RNASEH2B: variants seen among roughly 807,000 people sequenced by gnomAD.
The protein encoded by RNASEH2B is ribonuclease H2 subunit B, also known as Aicardi-Goutieres syndrome 2 protein.
In RNASEH2B, 36 loss-of-function variants were observed where a neutral mutation model predicts 45.0. That is an observed-to-expected ratio of 0.80 (90% CI 0.61 to 1.06). The LOEUF (loss-of-function observed/expected upper bound fraction) is 1.06. Among genes scored for constraint, RNASEH2B ranks in the 50% least tolerant of loss-of-function variants. RNASEH2B has a pLI of 0.00. For missense variants in RNASEH2B, 361 were observed against 360.3 expected (o/e 1.00, Z -0.02); for synonymous variants, 119 against 125.7 (o/e 0.95, Z 0.35).
At position 50,945,525 on chromosome 13, in the gene RNASEH2B, C is replaced by A. The variant is rs1951889997; in HGVS notation, c.609C>A (p.Asp203Glu). The A allele has an allele frequency of 1.2e-6, 2 of 1,607,980 alleles. No individual in the cohort carries two copies. Among genetic ancestry groups the A allele is most frequent in the Admixed American group, 1.7e-5 (1 of 60,004 alleles). Reference protein sequence around the residue: ...AFFSGDQASTDKEEDYIRYAH... With the variant: ...AFFSGDQASTEKEEDYIRYAH... ...TCTCTGGTGACCAAGCTTCCACTGA[C>A]AAGGAAGGTAAGTAAAGCATTTTAT... Residue 203 changes from aspartate to glutamate, a missense_variant, in exon 7 of 11, where the codon GAC becomes GAA. By Grantham distance (45) the Asp-to-Glu change is conservative. Transcript: ENST00000336617.
chr13:50,970,037 T>TC, exon 10 of RNASEH2B: 19 of 1,452,298 alleles, frequency 1.3e-5, no homozygotes, highest in Non-Finnish European at 1.7e-5. Flanking sequence ...TCGGACTTTT[T>TC]CTTCTGCACT....
chr13:50,959,972 T>C, downstream of RNASEH2B: 1 of 344,124 alleles, frequency 2.9e-6, no homozygotes, highest in Non-Finnish European at 5.2e-6. Context: ...CAAACATCTT[T>C]ACAAACTTAA....
intron 1 of RNASEH2B, among the ~76,000 whole-genome samples, chr13:50,923,030 A>G (rs921095292): frequency 1.3e-5 from 2 of 152,234 alleles, no homozygotes; most frequent in African/African-American, 4.8e-5. Flanking sequence ...GTATAATAAC[A>G]AATGAAAAAT....
intron 9 of RNASEH2B, among the ~76,000 whole-genome samples, chr13:50,962,405 T>A (rs1952120476): frequency 6.7e-6 from 1 of 148,812 alleles, no homozygotes; most frequent in Non-Finnish European, 1.5e-5. Flanking sequence ...CTATTCTAAT[T>A]TTCTTTTTTT....
At chr13:50,948,708 A>G (rs909212885) in intron 8 of RNASEH2B, 1 of 152,228 alleles carries the variant, frequency 6.6e-6, no homozygotes, top group African/African-American at 2.4e-5. Flanking sequence ...TATGTGTGTG[A>G]TGATTTAATA....
At chr13:50,931,955 TACAC>T (rs60335654) in intron 4 of RNASEH2B, among the ~76,000 whole-genome samples, 21 of 148,930 alleles carry the variant, frequency 1.4e-4, no homozygotes, top group South Asian at 2.1e-4. Flanking sequence ...CATCTCATTT[TACAC>T]ACACACACAC....
At chr13:50,934,761 A>T in intron 4 of RNASEH2B, 124 bp from the exon 5 acceptor site, 2 of 724,284 alleles carry the variant, frequency 2.8e-6, no homozygotes, top group Non-Finnish European at 4.9e-6. Context: ...GATTCCTTAG[A>T]TGGAATAGGT....
At chr13:50,948,172 A>G (rs1427351202) in intron 8 of RNASEH2B, 104 bp downstream of exon 8, 1 of 1,543,622 alleles carries the variant, frequency 6.5e-7, no homozygotes, top group Non-Finnish European at 8.8e-7. Flanking sequence ...TTATGATACA[A>G]GATTATTCTT....
At chr13:50,960,606 T>C (rs1952102261), downstream of RNASEH2B, among the ~76,000 whole-genome samples, 8 of 152,244 alleles carry the variant, frequency 5.3e-5, no homozygotes, top group Admixed American at 5.2e-4. Flanking sequence ...ACTATCAAAC[T>C]GTACCCAAAT....
chr13:50,914,120 T>C (rs1454194643), intron 1 of RNASEH2B, among the ~76,000 whole-genome samples: 2 of 151,422 alleles, frequency 1.3e-5, no homozygotes, highest in African/African-American at 2.4e-5. Flanking sequence ...CCTCTTGTTT[T>C]GGGGGAGGAA....
At chr13:50,957,394 C>T (rs56870509), downstream of RNASEH2B, among the ~76,000 whole-genome samples, 14,448 of 152,134 alleles carry the variant, frequency 0.095, 755 homozygotes, top group Admixed American at 0.17. Flanking sequence ...GGATAATGGC[C>T]TCCAGCTGCA....
intron 2 of RNASEH2B, among the ~76,000 whole-genome samples, chr13:50,927,750 C>A (rs566195870): frequency 6.6e-6 from 1 of 152,124 alleles, no homozygotes; most frequent in Admixed American, 6.5e-5. Flanking sequence ...TGTTTGAGTT[C>A]TCTTTAAAAA....
chr13:50,927,482 A>C lies in RNASEH2B; in HGVS notation c.136+4A>C. On this transcript the variant is annotated splice_donor_region_variant and intron_variant, in intron 2 of 10. Transcript: ENST00000336617. The stretch of plus-strand genomic sequence containing the variant: ...AAACTGGTTAACCCCTGTTCAGGTA[A>C]GTTCTCTTCTCATAACTTGAATGTT... The C allele has an allele frequency of 6.4e-7, 1 of 1,571,674 alleles. No homozygotes were observed. Among genetic ancestry groups the C allele is most frequent in the Non-Finnish European group, 8.8e-7 (1 of 1,141,570 alleles).
intron 9 of RNASEH2B, among the ~76,000 whole-genome samples, chr13:50,964,491 A>AC (rs1390262728): frequency 6.6e-6 from 1 of 152,158 alleles, no homozygotes; most frequent in Non-Finnish European, 1.5e-5. Flanking sequence ...GAATAGTGAC[A>AC]CCCACCCAAA....
At chr13:50,923,070 C>T (rs1319023809) in intron 1 of RNASEH2B, among the ~76,000 whole-genome samples, 1 of 152,024 alleles carries the variant, frequency 6.6e-6, no homozygotes. Context: ...CAGATTTGAG[C>T]TGGCAGAGGA....
intron 1 of RNASEH2B, among the ~76,000 whole-genome samples, chr13:50,923,711 A>G (rs932496811): frequency 6.6e-6 from 1 of 152,264 alleles, no homozygotes; most frequent in Non-Finnish European, 1.5e-5. Context: ...GCACTAGATG[A>G]TAACTTGAAT....
intron 8 of RNASEH2B, chr13:50,948,672 G>A (rs144317132): frequency 4.5e-4 from 69 of 152,168 alleles, no homozygotes; most frequent in African/African-American, 1.5e-3. Context: ...TTGCAAAATC[G>A]TTACTTAATT....
intron 5 of RNASEH2B, chr13:50,937,507 G>A (rs926314979): frequency 6.6e-6 from 1 of 152,162 alleles, no homozygotes; most frequent in Non-Finnish European, 1.5e-5. Context: ...GATTATAGGT[G>A]TGAGTCACCA....
intron 1 of RNASEH2B, chr13:50,910,413 G>A (rs189359393): frequency 3.2e-4 from 106 of 331,318 alleles, no homozygotes; most frequent in African/African-American, 2.2e-3. Context: ...CAGCCTGAGG[G>A]GAGCCACGCG....
Sources: allele counts gnomAD v4.1 joint callset (sites outside exome capture counted in the v4.1 genomes callset), GRCh38; gene constraint gnomAD v4.1.1; transcripts MANE v1.5; gene names NCBI Gene and HGNC (gene_info 2026-07-23, HGNC 2026-07-21).